SPRED1: variants seen among roughly 807,000 people sequenced by gnomAD.
SPRED1 encodes the protein sprouty-related, EVH1 domain-containing protein 1.
SPRED1 carries 18 observed loss-of-function variants against 52.3 expected under a neutral mutation model. The observed-to-expected ratio is 0.34, with a 90% CI of 0.24 to 0.51. SPRED1 has a LOEUF of 0.51. Ranked by LOEUF, SPRED1 falls within the 20% of genes least tolerant of loss-of-function variation. The pLI is 0.97. For missense variants in SPRED1, 485 were observed against 551.0 expected (o/e 0.88, Z 1.20); for synonymous variants, 155 against 179.7 (o/e 0.86, Z 1.10).
intron 1 of SPRED1, among the ~76,000 whole-genome samples, chr15:38,283,238 A>C (rs1323539001): frequency 6.6e-6 from 1 of 152,188 alleles, no homozygotes; most frequent in Admixed American, 6.5e-5. Flanking sequence ...TGTCAAACAC[A>C]TATATAACCA....
intron 2 of SPRED1, among the ~76,000 whole-genome samples, chr15:38,300,634 C>T (rs1895133119): frequency 6.6e-6 from 1 of 152,146 alleles, no homozygotes; most frequent in African/African-American, 2.4e-5. Flanking sequence ...ATCTCGAAAG[C>T]CTTCCTACAC....
At chr15:38,318,468 T>C (rs1339003672) in intron 2 of SPRED1, among the ~76,000 whole-genome samples, 1 of 152,114 alleles carries the variant, frequency 6.6e-6, no homozygotes, top group Non-Finnish European at 1.5e-5. Context: ...ATCTTTTAGA[T>C]TCAAGGGGTA....
At chr15:38,273,787 T>C (rs1404174353) in intron 1 of SPRED1, among the ~76,000 whole-genome samples, 1 of 152,146 alleles carries the variant, frequency 6.6e-6, no homozygotes, top group African/African-American at 2.4e-5. Context: ...GGATTTCTGA[T>C]TGGAAGACGA....
intron 4 of SPRED1, chr15:38,326,175 T>C (rs1440045345): frequency 6.6e-6 from 1 of 152,182 alleles, no homozygotes; most frequent in African/African-American, 2.4e-5. Flanking sequence ...AAAGGGAATG[T>C]TTATTTAGTG....
chr15:38,349,831 A>G (rs147899328), intron 6 of SPRED1, among the ~76,000 whole-genome samples: 43 of 152,290 alleles, frequency 2.8e-4, no homozygotes, highest in East Asian at 9.6e-4. Flanking sequence ...CCCTAATTCC[A>G]TGTATCTAGG....
intron 2 of SPRED1, among the ~76,000 whole-genome samples, chr15:38,321,591 ATTTTG>A (rs1257299904): frequency 6.6e-6 from 1 of 151,958 alleles, no homozygotes; most frequent in Non-Finnish European, 1.5e-5. Flanking sequence ...AAATGACTTT[ATTTTG>A]TTTTGTTTTG....
intron 5 of SPRED1, 44 bp from the exon 6 acceptor site, chr15:38,349,378 G>A (rs1566876048): frequency 6.9e-7 from 1 of 1,443,154 alleles, no homozygotes. Flanking sequence ...TTCATTAAAA[G>A]TAAAATTCTT....
chr15:38,308,555 T>C (rs953707042), intron 2 of SPRED1, among the ~76,000 whole-genome samples: 6 of 152,220 alleles, frequency 3.9e-5, no homozygotes, highest in Admixed American at 6.5e-5. Context: ...TTCCGTAATT[T>C]TGTCTTTCAA....
At chr15:38,328,297 A>G (rs1895746130) in intron 4 of SPRED1, among the ~76,000 whole-genome samples, 1 of 152,230 alleles carries the variant, frequency 6.6e-6, no homozygotes, top group African/African-American at 2.4e-5. Flanking sequence ...AAATGTCAAG[A>G]GTGGAAATCC....
chr15:38,340,005 A>AACAAACAAAAACCCC, intron 5 of SPRED1, 110 bp downstream of exon 5: 1 of 1,340,496 alleles, frequency 7.5e-7, no homozygotes, highest in Non-Finnish European at 1.0e-6. Flanking sequence ...ACAGTAAACA[A>AACAAACAAAAACCCC]ACAAACAAAA....
At chr15:38,283,309 C>T (rs1595724271) in intron 1 of SPRED1, among the ~76,000 whole-genome samples, 1 of 152,164 alleles carries the variant, frequency 6.6e-6, no homozygotes, top group African/African-American at 2.4e-5. Flanking sequence ...CCCCATCATC[C>T]AGTCACCTCC....
At chr15:38,273,520 AATATATATATATATATATATAT>A (rs58636340) in intron 1 of SPRED1, among the ~76,000 whole-genome samples, 47,047 of 142,892 alleles carry the variant, frequency 0.33, 7,992 homozygotes, top group East Asian at 0.55. Flanking sequence ...ATGTATTATT[AATATATATATATATATATATAT>A]ATATATATAT....
chr15:38,323,871 T>C (rs1895653825), intron 3 of SPRED1, among the ~76,000 whole-genome samples: 1 of 152,296 alleles, frequency 6.6e-6, no homozygotes, highest in East Asian at 1.9e-4. Flanking sequence ...CATAACAGTA[T>C]ACCTCTTTCA....
intron 4 of SPRED1, among the ~76,000 whole-genome samples, chr15:38,336,380 A>ATGTGTGTGTGTGTGTGTG (rs35912838): frequency 0.11 from 14,570 of 133,908 alleles, 985 homozygotes; most frequent in Admixed American, 0.15. Context: ...GATAAAGAAA[A>ATGTGTGTGTGTGTGTGTG]TGTGTGTGTG....
chr15:38,319,852 A>G (rs1345861546), intron 2 of SPRED1, among the ~76,000 whole-genome samples: 1 of 152,200 alleles, frequency 6.6e-6, no homozygotes, highest in Non-Finnish European at 1.5e-5. Flanking sequence ...GTATGCTGAT[A>G]AAAGGTTTAA....
chr15:38,309,800 G>T (rs893473930), intron 2 of SPRED1, among the ~76,000 whole-genome samples: 4 of 152,024 alleles, frequency 2.6e-5, no homozygotes, highest in South Asian at 2.1e-4. Flanking sequence ...AGATCAAGGG[G>T]TTTTTTTTCC....
At chr15:38,264,982 T>C (rs1894279081) in intron 1 of SPRED1, among the ~76,000 whole-genome samples, 1 of 152,204 alleles carries the variant, frequency 6.6e-6, no homozygotes, top group Admixed American at 6.5e-5. Context: ...CAAACCAAGA[T>C]GTTGACTGAT....
chr15:38,285,430 G>C (rs1894786203), intron 1 of SPRED1, among the ~76,000 whole-genome samples: 1 of 152,172 alleles, frequency 6.6e-6, no homozygotes, highest in Non-Finnish European at 1.5e-5. Flanking sequence ...TTGAGAAAGT[G>C]ATATTTCAGT....
intron 2 of SPRED1, among the ~76,000 whole-genome samples, chr15:38,313,139 T>C (rs996170922): frequency 1.3e-5 from 2 of 152,060 alleles, no homozygotes; most frequent in Non-Finnish European, 1.5e-5. Context: ...GGATATTCTC[T>C]TACAAAATTA....
Sources: allele counts gnomAD v4.1 joint callset (sites outside exome capture counted in the v4.1 genomes callset), GRCh38; gene constraint gnomAD v4.1.1; transcripts MANE v1.5; gene names NCBI Gene and HGNC (gene_info 2026-07-23, HGNC 2026-07-21).